HIF1A: variants seen among roughly 807,000 people sequenced by gnomAD.
HIF1A encodes hypoxia inducible factor 1 subunit alpha, also known as hypoxia-inducible factor 1-alpha.
Under a neutral mutation model 92.7 loss-of-function variants are expected in HIF1A, and 24 were observed. The observed-to-expected ratio is 0.26, with a 90% CI of 0.19 to 0.36. The LOEUF is 0.36. Ranked by LOEUF, HIF1A falls within the 10% of genes least tolerant of loss-of-function variation. HIF1A has a pLI of 1.00. For synonymous variants in HIF1A, 319 were observed against 338.7 expected (o/e 0.94, Z 0.64); for missense variants, 799 against 998.5 (o/e 0.80, Z 2.69).
At chr14:61,731,346 G>C (rs1411052529) in intron 6 of HIF1A, among the ~76,000 whole-genome samples, 1 of 152,156 alleles carries the variant, frequency 6.6e-6, no homozygotes, top group Non-Finnish European at 1.5e-5. Context: ...TCTTCCTCAT[G>C]TCATGGTTGC....
intron 1 of HIF1A, among the ~76,000 whole-genome samples, chr14:61,705,524 G>A (rs948677647): frequency 6.6e-6 from 1 of 152,068 alleles, no homozygotes; most frequent in Non-Finnish European, 1.5e-5. Flanking sequence ...ATATCTGAGG[G>A]TAGCTATCAT....
rs2044608765 is a variant in HIF1A, at chr14:61,734,162, C to T, written c.905C>T (p.Thr302Ile). Reference sequence around the variant, plus strand: ...GTGTTTACTAAAGGACAAGTCACCACAGGACAGTACAGGATGCTTGCCAAA... The same window carrying T: ...GTGTTTACTAAAGGACAAGTCACCATAGGACAGTACAGGATGCTTGCCAAA... ...HDMFTKGQVT[T>I]GQYRMLAKRG... Residue 302 changes from threonine (T) to isoleucine (I), a missense_variant, in exon 8 of 15, where the codon ACA becomes ATA. By Grantham distance (89) the Thr-to-Ile change is moderately conservative. Transcript: ENST00000337138. The T allele has an allele frequency of 1.2e-6, 2 of 1,604,794 alleles. No individual in the cohort carries two copies. Among genetic ancestry groups the T allele is most frequent in the Non-Finnish European group, 1.7e-6 (2 of 1,175,518 alleles).
chr14:61,720,037 C>G, intron 1 of HIF1A, among the ~76,000 whole-genome samples: 1 of 152,146 alleles, frequency 6.6e-6, no homozygotes, highest in East Asian at 1.9e-4. Flanking sequence ...CTTTTGAATT[C>G]TATGAAGTAC....
chr14:61,714,197 C>A (rs573428840), intron 1 of HIF1A, among the ~76,000 whole-genome samples: 3 of 152,138 alleles, frequency 2.0e-5, no homozygotes, highest in South Asian at 2.1e-4. Flanking sequence ...CTGGAACGTT[C>A]AAAAATCTAA....
At chr14:61,743,705 T>C (rs2044742169) in intron 12 of HIF1A, among the ~76,000 whole-genome samples, 1 of 152,218 alleles carries the variant, frequency 6.6e-6, no homozygotes, top group Admixed American at 6.5e-5. Flanking sequence ...TGGGGTGTCT[T>C]GAAAAGTCAA....
chr14:61,746,392 C>CTTTTTTTTTTT (rs754879947), intron 14 of HIF1A, among the ~76,000 whole-genome samples: 32 of 49,478 alleles, frequency 6.5e-4, no homozygotes, highest in African/African-American at 1.1e-3. Flanking sequence ...TTTATGACTT[C>CTTTTTTTTTTT]TTTTTTTTTT....
At chr14:61,712,937 G>GA (rs1177224581) in intron 1 of HIF1A, among the ~76,000 whole-genome samples, 1 of 148,604 alleles carries the variant, frequency 6.7e-6, no homozygotes, top group Admixed American at 6.7e-5. Flanking sequence ...TACCAGAGAG[G>GA]ACCAGTTTTG....
At chr14:61,697,878 A>G (rs1053985430) in intron 1 of HIF1A, 19 of 1,520,128 alleles carry the variant, frequency 1.2e-5, no homozygotes, top group Non-Finnish European at 1.7e-5. Context: ...GAGTTTGGAA[A>G]ACAAATTTGT....
Position 61,729,321 on chromosome 14 carries a change from G to A in HIF1A, c.773+1666G>A, listed in dbSNP as rs73331662. Among the ~76,000 whole-genome samples the A allele has an allele frequency of 5.1e-3, 777 of 152,208 alleles. 6 individuals are homozygous for A. Among genetic ancestry groups the A allele is most frequent in the African/African-American group, 0.018 (729 of 41,534 alleles). ...TACTAAAAATACAAAAATTAGCTGG[G>A]TATGGGGGCACATGTCCGTAATCCC... On this transcript the variant is annotated intron_variant, in intron 6 of 14. Transcript: ENST00000337138.
At chr14:61,702,763 G>C (rs571941623) in intron 1 of HIF1A, among the ~76,000 whole-genome samples, 1 of 152,208 alleles carries the variant, frequency 6.6e-6, no homozygotes, top group African/African-American at 2.4e-5. Flanking sequence ...AAACTACACA[G>C]GTGCACAAAG....
At chr14:61,698,168 T>C (rs761142647) in intron 1 of HIF1A, among the ~76,000 whole-genome samples, 1 of 152,244 alleles carries the variant, frequency 6.6e-6, no homozygotes, top group East Asian at 1.9e-4. Context: ...TTTCTGAGAA[T>C]AGATATTCCT....
intron 12 of HIF1A, among the ~76,000 whole-genome samples, chr14:61,744,386 C>A (rs1485365996): frequency 1.3e-5 from 2 of 151,678 alleles, no homozygotes; most frequent in African/African-American, 2.4e-5. Context: ...ATAAATTAGT[C>A]ATAATCCCAG....
intron 1 of HIF1A, among the ~76,000 whole-genome samples, chr14:61,700,879 A>G (rs1259230509): frequency 6.6e-6 from 1 of 152,152 alleles, no homozygotes; most frequent in Non-Finnish European, 1.5e-5. Context: ...TGTTGAAGTG[A>G]TTGTTTTTAA....
intron 1 of HIF1A, among the ~76,000 whole-genome samples, chr14:61,707,305 T>G (rs76307494): frequency 4.6e-3 from 2 of 438 alleles, no homozygotes; most frequent in African/African-American, 4.9e-3. Flanking sequence ...GCATTCTGTG[T>G]TTTTTTTTTC....
At chr14:61,743,489 AATG>A (rs1486897138) in intron 12 of HIF1A, among the ~76,000 whole-genome samples, 7 of 152,108 alleles carry the variant, frequency 4.6e-5, no homozygotes, top group Admixed American at 4.6e-4. Flanking sequence ...CTACTACTAC[AATG>A]ATATTTACAT....
chr14:61,741,095 C>T lies in HIF1A; in HGVS notation c.2000C>T (p.Ala667Val). 6.2e-7 allele frequency: 1 copy of T among 1,613,800 alleles called. No individual in the cohort carries two copies. Among genetic ancestry groups the T allele is most frequent in the Non-Finnish European group, 8.5e-7 (1 of 1,179,722 alleles). Residue 667 changes from alanine to valine, a missense_variant, in exon 12 of 15, where the codon GCC (alanine) becomes GTC (valine). Around this residue, in one of 2 missense-constraint regions of HIF1A, gnomAD observed 283 missense variants for 277.5 expected, o/e 1.02. Coordinates refer to ENST00000337138, the MANE Select transcript of HIF1A (RefSeq NM_001530.4). ...TATAGAGATACTCAAAGTCGGACAG[C>T]CTCACCAAACAGAGCAGGAAAAGGA... Reference protein sequence around the residue: ...SPYRDTQSRTASPNRAGKGVI... With the variant: ...SPYRDTQSRTVSPNRAGKGVI...
chr14:61,742,493 C>G (rs1222058974), intron 12 of HIF1A, among the ~76,000 whole-genome samples: 1 of 152,178 alleles, frequency 6.6e-6, no homozygotes, highest in African/African-American at 2.4e-5. Flanking sequence ...CACTTACTCA[C>G]TTTTGACTCT....
At chr14:61,732,321 A>G (rs751965504) in intron 6 of HIF1A, 97 bp from the exon 7 acceptor site, 2 of 723,868 alleles carry the variant, frequency 2.8e-6, no homozygotes, top group African/African-American at 1.8e-5. Flanking sequence ...TCACTTGTCC[A>G]TAAGATTAAT....
intron 4 of HIF1A, among the ~76,000 whole-genome samples, chr14:61,724,382 C>CT (rs1209295569): frequency 3.3e-4 from 10 of 30,058 alleles, no homozygotes; most frequent in Non-Finnish European, 6.1e-4. Context: ...TCTCTCTCTC[C>CT]CCCTCCCTCC....
Sources: gnomAD v4.1 joint callset for allele counts (sites outside exome capture counted in the v4.1 genomes callset) on GRCh38, gnomAD v4.1.1 for gene constraint, gnomAD v4.1.1 regional missense constraint, MANE v1.5 for transcripts, NCBI Gene and HGNC (gene_info 2026-07-23, HGNC 2026-07-21) for gene names.